The following ALK variants were observed in gnomAD, a reference collection of about 807,000 sequenced individuals.
ALK encodes ALK tyrosine kinase receptor.
A neutral mutation model predicts 163.1 loss-of-function variants in ALK; 74 were observed. That is an observed-to-expected ratio of 0.45 (90% CI 0.38 to 0.55). ALK has a LOEUF of 0.55. ALK is among the 20% of genes least tolerant of loss of function. The pLI is 0.00. For synonymous variants in ALK, 960 were observed against 843.2 expected, an observed-to-expected ratio of 1.14 and a Z score of -2.40; for missense variants, 2,063 against 2,105.3, an observed-to-expected ratio of 0.98 and a Z score of 0.39.
chr2:29,244,419 T>G (rs1664599919), intron 12 of ALK, among the ~76,000 whole-genome samples: 1 of 152,136 alleles, frequency 6.6e-6, no homozygotes. Context: ...ATTATCCAGA[T>G]AGGAGTCAGG....
At position 29,324,957 on chromosome 2, in the gene ALK, C is replaced by T. The variant is rs552500993; in HGVS notation, c.1414+3393G>A. On this transcript the variant is annotated intron_variant, in intron 6 of 28. Coordinates refer to ENST00000389048, the MANE Select transcript of ALK (RefSeq NM_004304.5). ...CAGGCCCTCCACTCATCCTGGACAA[C>T]TGTTAGAATTTTTAAGGGCTCCAAA... Among the ~76,000 whole-genome samples, 3 of 152,292 alleles carry T rather than the reference C, an allele frequency of 2.0e-5. No homozygotes were observed. In the South Asian group the frequency reaches 6.2e-4, roughly 32 times the overall value.
chr2:29,632,693 G>T (rs185065761), intron 3 of ALK, among the ~76,000 whole-genome samples: 3 of 152,134 alleles, frequency 2.0e-5, no homozygotes, highest in Non-Finnish European at 4.4e-5. Flanking sequence ...ACATACCTGA[G>T]ACTGGGCAAT....
At chr2:29,587,885 AAGAGGTGGGT>A (rs1204707196) in intron 3 of ALK, among the ~76,000 whole-genome samples, 3 of 152,230 alleles carry the variant, frequency 2.0e-5, no homozygotes, top group Non-Finnish European at 4.4e-5. Flanking sequence ...GTTCAGGGGA[AAGAGGTGGGT>A]AGAGTAGAGC....
intron 3 of ALK, among the ~76,000 whole-genome samples, chr2:29,660,547 G>A (rs1333263592): frequency 6.6e-6 from 1 of 151,816 alleles, no homozygotes; most frequent in East Asian, 1.9e-4. Flanking sequence ...GGGAGTGGTG[G>A]AGATGGGGTG....
At chr2:29,676,288 G>A (rs1442104768) in intron 3 of ALK, among the ~76,000 whole-genome samples, 1 of 152,018 alleles carries the variant, frequency 6.6e-6, no homozygotes, top group Non-Finnish European at 1.5e-5. Flanking sequence ...AGGTCACAAA[G>A]ATGTTCTGTC....
chr2:29,374,415 T>C (rs1668706066), intron 5 of ALK, among the ~76,000 whole-genome samples: 1 of 151,662 alleles, frequency 6.6e-6, no homozygotes, highest in Admixed American at 6.6e-5. Context: ...AGCAAACCTT[T>C]ATTGAGTGCT....
chr2:29,318,240 G>T, intron 8 of ALK, 64 bp downstream of exon 8: 1 of 1,379,596 alleles, frequency 7.2e-7, no homozygotes, highest in African/African-American at 1.4e-5. Context: ...TTCTTAATCT[G>T]GGTTCCGGAA....
At position 29,193,649 on chromosome 2, in the gene ALK, A is replaced by G. The variant is rs1410822315; in HGVS notation, c.4438T>C (p.Phe1480Leu). The G allele has an allele frequency of 1.2e-6, 2 of 1,614,220 alleles. No individual in the cohort carries two copies. The highest frequency in any genetic ancestry group is 3.3e-5 in the Admixed American group (2 of 60,030). ...AVEGGHVNMA[F>L]SQSNPPSELH... ...TCCGAAGGAGGGTTGGACTGAGAGA[A>G]TGCCATATTCACGTGTCCCCCTTCC... Residue 1480 changes from phenylalanine to leucine, a missense_variant, in exon 29 of 29, where the codon TTC (phenylalanine) becomes CTC (leucine). Coordinates refer to ENST00000389048, the MANE Select transcript of ALK (RefSeq NM_004304.5).
At chr2:29,451,869 G>A (rs923608651) in intron 4 of ALK, among the ~76,000 whole-genome samples, 6 of 152,166 alleles carry the variant, frequency 3.9e-5, no homozygotes, top group Non-Finnish European at 7.3e-5. Flanking sequence ...TCCAGTGGAC[G>A]TTATTGCCAT....
intron 4 of ALK, among the ~76,000 whole-genome samples, chr2:29,510,186 C>T (rs1327408617): frequency 1.3e-5 from 2 of 152,196 alleles, no homozygotes; most frequent in African/African-American, 2.4e-5. Context: ...TCTTTCATCC[C>T]ACCCAGGCAG....
chr2:29,685,251 G>A (rs912072431), intron 3 of ALK, among the ~76,000 whole-genome samples: 2 of 151,992 alleles, frequency 1.3e-5, no homozygotes, highest in African/African-American at 2.4e-5. Flanking sequence ...CATAGAAACC[G>A]AGCCCTTGGC....
intron 1 of ALK, among the ~76,000 whole-genome samples, chr2:29,873,075 C>A (rs992257702): frequency 1.2e-4 from 19 of 152,216 alleles, no homozygotes; most frequent in African/African-American, 4.6e-4. Context: ...GTATCTCCAG[C>A]CACACTCCCT....
At chr2:29,670,107 G>C (rs1306096826) in intron 3 of ALK, among the ~76,000 whole-genome samples, 1 of 151,790 alleles carries the variant, frequency 6.6e-6, no homozygotes, top group Non-Finnish European at 1.5e-5. Flanking sequence ...TTTACCAGTG[G>C]GTTTTTCACT....
chr2:29,661,397 AG>A (rs1677342030), intron 3 of ALK, among the ~76,000 whole-genome samples: 1 of 152,086 alleles, frequency 6.6e-6, no homozygotes, highest in African/African-American at 2.4e-5. Flanking sequence ...TGTCAACTCC[AG>A]GACTCACCAC....
rs549267236 is a variant in ALK, at chr2:29,568,933, A to C, written c.953-36817T>G. ...AGGAGGGGCTGACAGTGCACTCCCT[A>C]AAGTTATGCTGGGTCTCTCCACCTT... On this transcript the variant is annotated intron_variant, in intron 3 of 28. Coordinates refer to ENST00000389048, the MANE Select transcript of ALK (RefSeq NM_004304.5). Among the ~76,000 whole-genome samples the C allele has an allele frequency of 1.2e-3, 187 of 152,168 alleles. 2 individuals carry two copies. Among genetic ancestry groups the C allele is most frequent in the African/African-American group, 4.1e-3 (169 of 41,522 alleles).
At position 29,786,094 on chromosome 2, in the gene ALK, C is replaced by A. The variant is rs140866812; in HGVS notation, c.668-68397G>T. ...GGCACACAATGAAGAAAAAACGAGA[C>A]TAAGGATGATTGACGTTCCCCTTTT... is the stretch of plus-strand genomic sequence containing the variant. On this transcript the variant is annotated intron_variant, in intron 1 of 28. Coordinates refer to ENST00000389048, the MANE Select transcript of ALK (RefSeq NM_004304.5). Among the ~76,000 whole-genome samples, 226 of 152,316 alleles carry A rather than the reference C, an allele frequency of 1.5e-3. 1 individual carries two copies. Among genetic ancestry groups the A allele is most frequent in the African/African-American group, 5.2e-3 (218 of 41,576 alleles).
At chr2:29,293,730 C>T (rs1666101517) in intron 9 of ALK, among the ~76,000 whole-genome samples, 2 of 152,090 alleles carry the variant, frequency 1.3e-5, no homozygotes, top group South Asian at 2.1e-4. Flanking sequence ...GTGAAACTAG[C>T]GCTGGACAGA....
At chr2:29,637,785 T>C (rs555122532) in intron 3 of ALK, among the ~76,000 whole-genome samples, 2 of 151,830 alleles carry the variant, frequency 1.3e-5, no homozygotes, top group Non-Finnish European at 2.9e-5. Context: ...AATATCATGG[T>C]TGTGATATCA....
chr2:29,352,024 G>A (rs926861327), intron 5 of ALK, among the ~76,000 whole-genome samples: 2 of 152,224 alleles, frequency 1.3e-5, no homozygotes, highest in East Asian at 1.9e-4. Context: ...CAGCTGCCCC[G>A]TCATAAGGAG....
Sources: gnomAD v4.1 joint callset for allele counts (sites outside exome capture counted in the v4.1 genomes callset) on GRCh38, gnomAD v4.1.1 for gene constraint, MANE v1.5 for transcripts, NCBI Gene and HGNC (gene_info 2026-07-23, HGNC 2026-07-21) for gene names.